TMLHE: variants seen among roughly 807,000 people sequenced by gnomAD.
The protein encoded by TMLHE is trimethyllysine hydroxylase, epsilon, also known as trimethyllysine dioxygenase, mitochondrial.
In TMLHE, 18 loss-of-function variants were observed where a neutral mutation model predicts 25.7. The ratio of observed to expected loss-of-function variants is 0.70; its 90% CI spans 0.48 to 1.04. The LOEUF is 1.04. TMLHE is among the 50% of genes least tolerant of loss of function. The pLI is 0.00. For missense variants in TMLHE, 236 were observed against 259.0 expected (o/e 0.91, Z 0.61); for synonymous variants, 105 against 97.0 (o/e 1.08, Z -0.49).
intron 1 of TMLHE, among the ~76,000 whole-genome samples, chrX:155,561,699 G>A (rs2067497331): frequency 1.6e-5 from 1 of 62,436 alleles, no homozygotes; most frequent in African/African-American, 3.6e-5. Context: ...CAAGCATTGG[G>A]TAAATGCTCC....
chrX:155,509,001 G>C (rs978926310), intron 5 of TMLHE, among the ~76,000 whole-genome samples: 1 of 110,973 alleles, frequency 9.0e-6, no homozygotes, highest in African/African-American at 3.3e-5. Context: ...AATAGGTATG[G>C]AAAGGCTGAA....
At chrX:155,576,133 T>TA (rs782769481) in intron 1 of TMLHE, among the ~76,000 whole-genome samples, 5 of 110,234 alleles carry the variant, frequency 4.5e-5, no homozygotes, top group East Asian at 2.8e-4. Flanking sequence ...AGATCTGATT[T>TA]AAAAAAAAAT....
chrX:155,592,598 C>T (rs1476016540), intron 1 of TMLHE, among the ~76,000 whole-genome samples: 2 of 111,984 alleles, frequency 1.8e-5, no homozygotes, highest in Non-Finnish European at 3.8e-5. Context: ...AGGCAGACAA[C>T]TAGATTTCTA....
chrX:155,525,028 C>T (rs1557336303), intron 2 of TMLHE, among the ~76,000 whole-genome samples: 1 of 111,503 alleles, frequency 9.0e-6, no homozygotes, highest in East Asian at 2.8e-4. Flanking sequence ...AAGATAAACT[C>T]AAAATATATA....
chrX:155,541,580 C>CTCTACTAAA (rs2067312663), intron 2 of TMLHE, among the ~76,000 whole-genome samples: 1 of 111,583 alleles, frequency 9.0e-6, no homozygotes. Flanking sequence ...ATTGCTGAGT[C>CTCTACTAAA]AAATGGTAAT....
intron 1 of TMLHE, among the ~76,000 whole-genome samples, chrX:155,556,620 G>A (rs781786100): frequency 1.6e-4 from 17 of 109,295 alleles, no homozygotes; most frequent in African/African-American, 5.3e-4. Context: ...GAGGCAGGGC[G>A]AGATCACAGG....
At chrX:155,589,792 T>TC (rs1557345725) in intron 1 of TMLHE, among the ~76,000 whole-genome samples, 1 of 112,013 alleles carries the variant, frequency 8.9e-6, no homozygotes, top group Non-Finnish European at 1.9e-5. Flanking sequence ...CTTGAAATGT[T>TC]ACCAACACAT....
intron 4 of TMLHE, 110 bp downstream of exon 4, chrX:155,513,876 A>G: frequency 1.2e-6 from 1 of 821,808 alleles, no homozygotes; most frequent in Non-Finnish European, 1.7e-6. Context: ...ATGCTACAAA[A>G]TATTCTGGAT....
At chrX:155,579,388 G>A (rs1180258358) in intron 1 of TMLHE, among the ~76,000 whole-genome samples, 1 of 111,924 alleles carries the variant, frequency 8.9e-6, no homozygotes, top group African/African-American at 3.3e-5. Flanking sequence ...GCATGGTACT[G>A]GTATAAAAAC....
chrX:155,547,583 C>A (rs947301054), intron 1 of TMLHE, among the ~76,000 whole-genome samples: 57 of 111,296 alleles, frequency 5.1e-4, no homozygotes, highest in African/African-American at 1.9e-3. Flanking sequence ...TAGTTTTAAG[C>A]ATACAACACA....
At chrX:155,533,410 C>T (rs1248518216) in intron 2 of TMLHE, among the ~76,000 whole-genome samples, 1 of 111,632 alleles carries the variant, frequency 9.0e-6, no homozygotes, top group African/African-American at 3.3e-5. Flanking sequence ...TATATATCCC[C>T]CTATTGGTTC....
chrX:155,508,533 C>G (rs2067089157), intron 5 of TMLHE, among the ~76,000 whole-genome samples: 1 of 110,151 alleles, frequency 9.1e-6, no homozygotes, highest in Admixed American at 9.7e-5. Context: ...GAGATCATTT[C>G]AAGTAAGAAA....
At chrX:155,522,907 G>GTT (rs1175981476) in intron 3 of TMLHE, among the ~76,000 whole-genome samples, 1 of 103,326 alleles carries the variant, frequency 9.7e-6, no homozygotes, top group Non-Finnish European at 2.0e-5. Context: ...TGCATGTTTA[G>GTT]TTTTTTTTTT....
intron 1 of TMLHE, among the ~76,000 whole-genome samples, chrX:155,595,091 T>C (rs782226826): frequency 4.5e-5 from 5 of 112,054 alleles, no homozygotes; most frequent in African/African-American, 6.5e-5. Context: ...AAATATGTTA[T>C]AAAAAGTTAA....
chrX:155,590,262 GT>G (rs1395583914), intron 1 of TMLHE, among the ~76,000 whole-genome samples: 2 of 111,685 alleles, frequency 1.8e-5, no homozygotes, highest in Non-Finnish European at 3.8e-5. Flanking sequence ...TGTATGGTTG[GT>G]CTTACAACAT....
chrX:155,506,866 A>C (rs781921451), intron 6 of TMLHE, 32 bp downstream of exon 6: 8 of 1,146,872 alleles, frequency 7.0e-6, no homozygotes, highest in Non-Finnish European at 9.5e-6. Context: ...TGGCAAATAT[A>C]TTACAGTTGG....
chrX:155,512,325 C>G (rs1431974812), intron 4 of TMLHE, among the ~76,000 whole-genome samples: 1 of 99,452 alleles, frequency 1.0e-5, no homozygotes, highest in East Asian at 3.1e-4. Flanking sequence ...CCCTTCCCCC[C>G]ACCCCACAAC....
At chrX:155,582,985 T>C (rs1603085372) in intron 1 of TMLHE, among the ~76,000 whole-genome samples, 1 of 112,375 alleles carries the variant, frequency 8.9e-6, no homozygotes. Context: ...TGGAATACTA[T>C]GCAGCCATAA....
chrX:155,590,441 TCTC>T (rs1557345774), intron 1 of TMLHE, among the ~76,000 whole-genome samples: 1 of 112,032 alleles, frequency 8.9e-6, no homozygotes, highest in African/African-American at 3.2e-5. Context: ...AAATGTATTT[TCTC>T]CTTTCTTCCA....
Sources: gnomAD v4.1 joint callset for allele counts (sites outside exome capture counted in the v4.1 genomes callset) on GRCh38, gnomAD v4.1.1 for gene constraint, MANE v1.5 for transcripts, NCBI Gene and HGNC (gene_info 2026-07-23, HGNC 2026-07-21) for gene names.